Variants in ANGPT4 observed in about 807,000 individuals in gnomAD.
ANGPT4 encodes angiopoietin 4, also known as angiopoietin-4.
In ANGPT4, 50 loss-of-function variants were observed where a neutral mutation model predicts 53.0. The observed-to-expected ratio is 0.94, with a 90% confidence interval of 0.75 to 1.20. The LOEUF is 1.20. ANGPT4 is among the 50% of genes most tolerant of loss of function. The pLI is 0.00. For missense variants in ANGPT4, 648 were observed against 637.1 expected (o/e 1.02, Z -0.18); for synonymous variants, 251 against 259.7 (o/e 0.97, Z 0.32).
Position 878,012 on chromosome 20 carries a change from G to A in ANGPT4, c.1220+149C>T, listed in dbSNP as rs753349569. 6.6e-5 allele frequency: 56 copies of A among 853,420 alleles called. No individual in the cohort carries two copies. In the Middle Eastern group the frequency reaches 1.2e-3, roughly 18 times the overall value. 52.9% of individuals were successfully genotyped at this position (853,420 alleles called of 1,614,324 possible). A position where few individuals can be genotyped will look rare whatever the true frequency, so the allele number is the denominator to read the frequency against. ...ACCAGCCACCTCCAGATCCCATGAC[G>A]TGCACCCAAATGGGGGACAGATGGT... On this transcript the variant is annotated intron_variant, in intron 7 of 8. Transcript: ENST00000381922.
At chr20:915,232 C>A (rs570986276) in intron 1 of ANGPT4, among the ~76,000 whole-genome samples, 28 of 152,098 alleles carry the variant, frequency 1.8e-4, no homozygotes, top group Non-Finnish European at 2.8e-4. Flanking sequence ...TGGCCCCCCC[C>A]CCAGCTGCAT....
In ANGPT4 at chr20:888,344, C is replaced by G. The variant is rs745600941; in HGVS notation, c.561G>C (p.Lys187Asn). The G allele has an allele frequency of 6.2e-7, 1 of 1,613,750 alleles. No homozygotes were observed. Among genetic ancestry groups the G allele is most frequent in the South Asian group, 1.1e-5 (1 of 91,086 alleles). Residue 187 changes from lysine (K) to asparagine (N), a missense_variant, in exon 3 of 9, where the codon AAG becomes AAC. Physicochemically the swap from Lys to Asn is moderately conservative, Grantham distance 94. Transcript: ENST00000381922. ...LENQLLLQRQ[K>N]LQQLQGQNSA... ...TGTTTTGGCCCTGAAGCTGCTGGAG[C>G]TTCTGCCTCTGTAGCAGCAGCTGGT... is the stretch of plus-strand genomic sequence containing the variant.
chr20:876,059 CCTGGGAGGT>C (rs1275720830), intron 7 of ANGPT4, among the ~76,000 whole-genome samples: 1 of 150,404 alleles, frequency 6.6e-6, no homozygotes, highest in Non-Finnish European at 1.5e-5. Flanking sequence ...GTCACTGGAG[CCTGGGAGGT>C]CTGGGAGGTC....
Position 872,977 on chromosome 20 carries a change from G to A in ANGPT4, c.1495C>T (p.Arg499Trp), listed in dbSNP as rs758172223. ...YSLRASRMMIRPLDI is the reference protein window; with the variant it reads ...YSLRASRMMIWPLDI ...GCTGCTCGTTAGATGTCCAAAGGCC[G>A]TATCATCATGCGAGAGGCACGCAGT... Residue 499 changes from arginine (R) to tryptophan (W), a missense_variant, in exon 9 of 9, where the codon CGG becomes TGG. Transcript: ENST00000381922. 28 of 1,613,904 alleles carry A rather than the reference G, an allele frequency of 1.7e-5. No homozygotes were observed. The highest frequency in any genetic ancestry group is 4.0e-5 in the African/African-American group (3 of 74,936).
At chr20:897,313 C>T (rs1395537777) in intron 1 of ANGPT4, among the ~76,000 whole-genome samples, 1 of 152,220 alleles carries the variant, frequency 6.6e-6, no homozygotes. Context: ...GGAGATCCAC[C>T]TATGACCTCC....
chr20:902,445 T>A (rs1982322725), intron 1 of ANGPT4, among the ~76,000 whole-genome samples: 1 of 152,180 alleles, frequency 6.6e-6, no homozygotes, highest in Non-Finnish European at 1.5e-5. Context: ...TAGCAGGGCC[T>A]GCAGCTTTGT....
intron 1 of ANGPT4, among the ~76,000 whole-genome samples, chr20:899,857 C>T (rs1982220848): frequency 6.6e-6 from 1 of 152,264 alleles, no homozygotes; most frequent in Admixed American, 6.5e-5. Flanking sequence ...CACCCATCAG[C>T]CTCAGCAACT....
At position 884,023 on chromosome 20, in the gene ANGPT4, G is replaced by A. The variant is rs570003106; in HGVS notation, c.835+1055C>T. 3.3e-4 allele frequency among the ~76,000 whole-genome samples: 50 copies of A among 152,260 alleles called. No individual in the cohort carries two copies. In the South Asian group the frequency reaches 5.6e-3, roughly 17 times the overall value. On this transcript the variant is annotated intron_variant, in intron 4 of 8. Transcript: ENST00000381922. ...TGTCAGCCCTGGTGGTGCCGGGAGC[G>A]CCATCACTATTGGGTCTTAAAGGCT...
chr20:906,499 T>C (rs1982484383), intron 1 of ANGPT4, among the ~76,000 whole-genome samples: 1 of 152,262 alleles, frequency 6.6e-6, no homozygotes, highest in Admixed American at 6.5e-5. Context: ...TATTTTAAGC[T>C]GCTAAATGTT....
At chr20:913,117 C>T (rs1982769041) in intron 1 of ANGPT4, among the ~76,000 whole-genome samples, 1 of 152,110 alleles carries the variant, frequency 6.6e-6, no homozygotes, top group Admixed American at 6.5e-5. Flanking sequence ...TTGTTCATCC[C>T]TAATGGCAAT....
chr20:891,202 G>A (rs938949567), intron 1 of ANGPT4, among the ~76,000 whole-genome samples: 50 of 152,208 alleles, frequency 3.3e-4, no homozygotes, highest in African/African-American at 1.1e-3. Flanking sequence ...CTTCCTCAGG[G>A]TGAGTCAGCC....
At chr20:906,738 T>C (rs1052535408) in intron 1 of ANGPT4, among the ~76,000 whole-genome samples, 7 of 152,126 alleles carry the variant, frequency 4.6e-5, no homozygotes, top group African/African-American at 1.7e-4. Context: ...CAGACTGAAA[T>C]GGTTTGTCTT....
intron 3 of ANGPT4, 126 bp from the exon 4 acceptor site, chr20:885,451 T>G (rs1981585365): frequency 7.4e-7 from 1 of 1,350,674 alleles, no homozygotes; most frequent in Non-Finnish European, 9.7e-7. Context: ...GAACGTCCTG[T>G]GCCCACTGTA....
At chr20:873,418 G>A (rs1399001009) in intron 8 of ANGPT4, among the ~76,000 whole-genome samples, 3 of 152,056 alleles carry the variant, frequency 2.0e-5, no homozygotes, top group Non-Finnish European at 4.4e-5. Flanking sequence ...CACTGAACCT[G>A]TCTTTCCAGC....
At chr20:898,010 C>T (rs1308157956) in intron 1 of ANGPT4, among the ~76,000 whole-genome samples, 1 of 152,186 alleles carries the variant, frequency 6.6e-6, no homozygotes, top group Admixed American at 6.5e-5. Flanking sequence ...GTCTGAGGTG[C>T]CTGATGTCCA....
intron 6 of ANGPT4, among the ~76,000 whole-genome samples, chr20:878,966 T>C (rs1470603765): frequency 1.3e-5 from 2 of 152,168 alleles, no homozygotes; most frequent in Non-Finnish European, 2.9e-5. Context: ...CAAGGCCCGC[T>C]CCCCAATTTA....
rs552895243 is a variant in ANGPT4, at chr20:872,700, G to A, written c.*260C>T. On this transcript the variant is annotated 3_prime_UTR_variant, in exon 9 of 9. Coordinates refer to ENST00000381922, the MANE Select transcript of ANGPT4 (RefSeq NM_015985.4). ...CAAGGTACTGTGACCCTCAGGCAGG[G>A]AGCCCCTGAAGGGGGAGGGAGAGAA... 2.7e-5 allele frequency: 13 copies of A among 485,582 alleles called. No individual in the cohort carries two copies. The South Asian group carries it at 2.9e-4, about 11-fold the overall frequency. 30.1% of individuals were successfully genotyped at this position (485,582 alleles called of 1,614,324 possible).
rs775691424 is a variant in ANGPT4, at chr20:908,204, C to A, written c.309+7702G>T. Among the ~76,000 whole-genome samples the A allele has an allele frequency of 1.8e-4, 28 of 152,276 alleles. No homozygotes were observed. Among genetic ancestry groups the A allele is most frequent in the Middle Eastern group, 3.4e-3 (1 of 294 alleles). ...ACAGAAAAGTGGCCACATCTCTTCC[C>A]AGTCTCCATGGTCCTCCACGGAGAA... On this transcript the variant is annotated intron_variant, in intron 1 of 8. Transcript: ENST00000381922. The surrounding 1 kb of genome is among the most constrained non-coding windows in gnomAD (Gnocchi z 4.9).
intron 1 of ANGPT4, among the ~76,000 whole-genome samples, chr20:903,544 A>AC (rs1298841269): frequency 6.6e-6 from 1 of 151,520 alleles, no homozygotes; most frequent in Non-Finnish European, 1.5e-5. Flanking sequence ...TCAGATTATG[A>AC]CCCCCTCTGC....
Sources: gnomAD v4.1 joint callset for allele counts (sites outside exome capture counted in the v4.1 genomes callset) on GRCh38, gnomAD v4.1.1 for gene constraint, Gnocchi (gnomAD v3.1) non-coding constraint, MANE v1.5 for transcripts, NCBI Gene and HGNC (gene_info 2026-07-23, HGNC 2026-07-21) for gene names.